TRPM3: variants seen among roughly 807,000 people sequenced by gnomAD.
TRPM3 encodes the protein transient receptor potential cation channel subfamily M member 3.
TRPM3 carries 77 observed loss-of-function variants against 181.2 expected under a neutral mutation model. The observed-to-expected ratio is 0.42, with a 90% CI of 0.35 to 0.51. The LOEUF is 0.51. TRPM3 is among the 20% of genes least tolerant of loss of function. The probability of loss-of-function intolerance (pLI) is 0.01; values close to 1 mark genes in which losing one functional copy is unlikely to be tolerated. For missense variants in TRPM3, 1,759 were observed against 2,196.7 expected, an observed-to-expected ratio of 0.80 and a Z score of 3.98; for synonymous variants, 745 against 796.4, an observed-to-expected ratio of 0.94 and a Z score of 1.09.
intron 1 of TRPM3, among the ~76,000 whole-genome samples, chr9:71,223,084 A>G (rs946552304): frequency 6.6e-6 from 1 of 152,252 alleles, no homozygotes; most frequent in Non-Finnish European, 1.5e-5. Context: ...GACATCAGCC[A>G]GGGTAGCTAA....
chr9:71,413,171 C>T (rs376015192), intron 1 of TRPM3, among the ~76,000 whole-genome samples: 2 of 152,048 alleles, frequency 1.3e-5, no homozygotes, highest in Non-Finnish European at 2.9e-5. Flanking sequence ...GGGTGCAGCA[C>T]ACCAACATGC....
At chr9:70,960,568 G>A (rs1247870043) in intron 1 of TRPM3, among the ~76,000 whole-genome samples, 2 of 152,178 alleles carry the variant, frequency 1.3e-5, no homozygotes, top group South Asian at 2.1e-4. Context: ...CTTAAAGAGC[G>A]ATGTTGTAGC....
At chr9:71,313,961 A>G (rs942085798) in intron 1 of TRPM3, among the ~76,000 whole-genome samples, 5 of 152,252 alleles carry the variant, frequency 3.3e-5, no homozygotes, top group Admixed American at 2.6e-4. Context: ...TAATTAAGAA[A>G]AGATCATATT....
chr9:71,253,064 C>T (rs976205298), intron 1 of TRPM3, among the ~76,000 whole-genome samples: 1 of 151,990 alleles, frequency 6.6e-6, no homozygotes, highest in African/African-American at 2.4e-5. Context: ...TCCTACAGAA[C>T]CATGGATTTA....
chr9:70,911,295 G>T (rs1022922317), intron 1 of TRPM3, among the ~76,000 whole-genome samples: 1 of 151,958 alleles, frequency 6.6e-6, no homozygotes, highest in Non-Finnish European at 1.5e-5. Context: ...ATTCTTCCTT[G>T]GTCTACATTA....
intron 1 of TRPM3, among the ~76,000 whole-genome samples, chr9:71,114,336 T>C (rs764952772): frequency 6.6e-6 from 1 of 152,110 alleles, no homozygotes; most frequent in African/African-American, 2.4e-5. Context: ...AACATAAAAA[T>C]TAAGTGTGCC....
At chr9:71,129,257 G>T (rs932900893) in intron 1 of TRPM3, among the ~76,000 whole-genome samples, 1 of 152,166 alleles carries the variant, frequency 6.6e-6, no homozygotes, top group South Asian at 2.1e-4. Flanking sequence ...AGAGACAATG[G>T]TCCAGTTTTT....
intron 3 of TRPM3, among the ~76,000 whole-genome samples, chr9:70,857,145 G>C (rs2095408512): frequency 6.6e-6 from 1 of 152,084 alleles, no homozygotes; most frequent in Non-Finnish European, 1.5e-5. Flanking sequence ...TTGTCTCTAT[G>C]TTCTGACATT....
At chr9:70,982,571 T>C (rs1401351994) in intron 1 of TRPM3, among the ~76,000 whole-genome samples, 3 of 152,222 alleles carry the variant, frequency 2.0e-5, no homozygotes, top group Non-Finnish European at 4.4e-5. Context: ...ATCCTTCCTG[T>C]CAACGTTTAA....
At chr9:70,987,801 G>A (rs2097436305) in intron 1 of TRPM3, among the ~76,000 whole-genome samples, 1 of 151,918 alleles carries the variant, frequency 6.6e-6, no homozygotes, top group Non-Finnish European at 1.5e-5. Context: ...TTCAAAACTT[G>A]TAACACTGTA....
chr9:71,430,197 A>G (rs1027260054), intron 1 of TRPM3, among the ~76,000 whole-genome samples: 2 of 152,256 alleles, frequency 1.3e-5, no homozygotes, highest in Non-Finnish European at 2.9e-5. Flanking sequence ...TGTTACCCAC[A>G]TAATCAGATT....
intron 25 of TRPM3, among the ~76,000 whole-genome samples, chr9:70,547,717 T>G (rs1339299977): frequency 6.6e-6 from 1 of 152,114 alleles, no homozygotes; most frequent in Non-Finnish European, 1.5e-5. Context: ...GTCTAAAGCC[T>G]AGGACACAGG....
At chr9:70,817,615 C>T (rs189685360) in intron 6 of TRPM3, among the ~76,000 whole-genome samples, 51 of 152,138 alleles carry the variant, frequency 3.4e-4, no homozygotes, top group African/African-American at 7.7e-4. Flanking sequence ...GGTAAGAGAC[C>T]GGAAGATCTC....
chr9:70,899,800 A>G (rs1589639567), intron 1 of TRPM3, among the ~76,000 whole-genome samples: 1 of 152,184 alleles, frequency 6.6e-6, no homozygotes, highest in Non-Finnish European at 1.5e-5. Flanking sequence ...CTTTATTGCT[A>G]TAGACGTAGT....
intron 1 of TRPM3, among the ~76,000 whole-genome samples, chr9:71,013,538 A>G (rs754643175): frequency 2.3e-4 from 35 of 151,854 alleles, no homozygotes; most frequent in Non-Finnish European, 4.4e-4. Context: ...AAGGTTTGGT[A>G]GTATTTATGC....
intron 19 of TRPM3, among the ~76,000 whole-genome samples, chr9:70,610,170 T>TAC (rs2061794132): frequency 6.6e-6 from 1 of 152,038 alleles, no homozygotes; most frequent in African/African-American, 2.4e-5. Context: ...CACGCATGCA[T>TAC]ACACACACTA....
intron 1 of TRPM3, among the ~76,000 whole-genome samples, chr9:71,211,897 A>T (rs2079527556): frequency 6.6e-6 from 1 of 152,136 alleles, no homozygotes; most frequent in African/African-American, 2.4e-5. Flanking sequence ...TGGGAGACAC[A>T]CTTCAACCCA....
chr9:71,392,245 A>C (rs1458631127), intron 1 of TRPM3, among the ~76,000 whole-genome samples: 3 of 152,164 alleles, frequency 2.0e-5, no homozygotes, highest in Non-Finnish European at 4.4e-5. Context: ...GAATTGGGAC[A>C]TCAGACTGGC....
chr9:71,421,806 T>G (rs1009089303), intron 1 of TRPM3, among the ~76,000 whole-genome samples: 1 of 151,962 alleles, frequency 6.6e-6, no homozygotes, highest in Non-Finnish European at 1.5e-5. Context: ...CTTCTAAACA[T>G]AGCAAAACGT....
Sources: allele counts gnomAD v4.1 joint callset (sites outside exome capture counted in the v4.1 genomes callset), GRCh38; gene constraint gnomAD v4.1.1; transcripts MANE v1.5; gene names NCBI Gene and HGNC (gene_info 2026-07-23, HGNC 2026-07-21).